Variants in CPM observed in about 807,000 individuals in gnomAD.
CPM encodes the protein carboxypeptidase M, also known as renal carboxypeptidase.
In CPM, 35 loss-of-function variants were observed where a neutral mutation model predicts 46.4. The ratio of observed to expected loss-of-function variants is 0.75; its 90% confidence interval spans 0.58 to 1.00. The LOEUF is 1.00. Ranked by LOEUF, CPM falls within the 50% of genes least tolerant of loss-of-function variation. CPM has a pLI of 0.00. For missense variants in CPM, 422 were observed against 530.4 expected, an observed-to-expected ratio of 0.80 and a Z score of 2.01; for synonymous variants, 195 against 195.3, an observed-to-expected ratio of 1.00 and a Z score of 0.01.
rs10603077 is a variant in CPM at position 68,922,618 on chromosome 12, A to AT, written c.160+10059dup. ...AGGCAATTTGTTTGAAGTTGGCAGC[A>AT]TTTTTTTTTTTTTTTTTTTGATGCA... is the stretch of plus-strand genomic sequence containing the variant. On this transcript the variant is annotated intron_variant, in intron 2 of 8. Coordinates refer to ENST00000551568, the MANE Select transcript of CPM (RefSeq NM_198320.5). 6.1e-3 allele frequency among the ~76,000 whole-genome samples: 843 copies of AT among 138,110 alleles called. 5 individuals carry two copies. The highest frequency in any genetic ancestry group is 0.019 in the Middle Eastern group (5 of 266). 90.6% of individuals were successfully genotyped at this position (138,110 alleles called of 152,430 possible).
Position 68,856,137 on chromosome 12 carries a change from T to C in CPM, c.*300A>G. ...AATGATCTTCTTTTTGCAGGCATTT[T>C]TTTGCTTCTCAAGTTTTAACTTCTT... On this transcript the variant is annotated 3_prime_UTR_variant, in exon 9 of 9. Coordinates refer to ENST00000551568, the MANE Select transcript of CPM (RefSeq NM_198320.5). 6.1e-6 allele frequency: 2 copies of C among 325,582 alleles called. No homozygotes were observed. The highest frequency in any genetic ancestry group is 1.1e-5 in the Non-Finnish European group (2 of 177,170). The allele number at this position is 325,582 out of a possible 1,614,324, so 20.2% of individuals were successfully genotyped here.
At chr12:68,876,820 GA>G (rs1885969966) in intron 3 of CPM, among the ~76,000 whole-genome samples, 1 of 152,024 alleles carries the variant, frequency 6.6e-6, no homozygotes, top group Admixed American at 6.6e-5. Context: ...AAAAAAAACA[GA>G]AAAAAATTTT....
At chr12:68,942,942 T>A (rs1351399476) in intron 1 of CPM, among the ~76,000 whole-genome samples, 1 of 152,166 alleles carries the variant, frequency 6.6e-6, no homozygotes, top group Non-Finnish European at 1.5e-5. Flanking sequence ...ATCTAAACGT[T>A]TGAAATTAAT....
At chr12:68,961,184 C>T (rs1406728779) in intron 1 of CPM, among the ~76,000 whole-genome samples, 1 of 152,108 alleles carries the variant, frequency 6.6e-6, no homozygotes, top group African/African-American at 2.4e-5. Flanking sequence ...GAGTCTTGCT[C>T]TGTCACCCAG....
chr12:68,923,601 A>C (rs562292002), intron 2 of CPM, among the ~76,000 whole-genome samples: 1 of 152,360 alleles, frequency 6.6e-6, no homozygotes, highest in Non-Finnish European at 1.5e-5. Flanking sequence ...TTACATACAT[A>C]ATTTCAAAAG....
intron 3 of CPM, among the ~76,000 whole-genome samples, chr12:68,873,908 C>T (rs144860947): frequency 6.6e-5 from 10 of 152,030 alleles, no homozygotes; most frequent in Admixed American, 3.9e-4. Flanking sequence ...TGGATTCAAG[C>T]AATTCTCCTG....
chr12:68,846,572 G>A (rs59990811), downstream of CPM: 1 of 152,032 alleles, frequency 6.6e-6, no homozygotes, highest in Non-Finnish European at 1.5e-5. Flanking sequence ...ATTTCACTAC[G>A]TTTGGTCCTA....
chr12:68,842,908 T>C (rs1883913690), intron 5 of CPM: 1 of 208,420 alleles, frequency 4.8e-6, no homozygotes, highest in African/African-American at 2.3e-5. Flanking sequence ...TTAATTGTTC[T>C]GACAGATAGT....
rs549263856 is a variant in CPM, at chr12:68,940,823, A to T, written c.-3-7983T>A. Among the ~76,000 whole-genome samples the T allele has an allele frequency of 3.6e-4, 54 of 152,074 alleles. No individual in the cohort carries two copies. The South Asian group carries it at 0.01, about 29-fold the overall frequency. On this transcript the variant is annotated intron_variant, in intron 1 of 8. Transcript: ENST00000546373. Reference sequence around the variant, plus strand: ...TATTCTGAGACCATGTCCTTCCTATATTTTTTAAATTATTGTGCTATAAAA... The same window carrying T: ...TATTCTGAGACCATGTCCTTCCTATTTTTTTTAAATTATTGTGCTATAAAA...
At chr12:68,842,278 A>G (rs1294036414) in exon 6 of CPM, 2 of 496,876 alleles carry the variant, frequency 4.0e-6, no homozygotes, top group East Asian at 9.3e-5. Flanking sequence ...CAGGACATCA[A>G]AGAAGTCAGG....
At chr12:68,869,961 A>G (rs909963447) in intron 5 of CPM, among the ~76,000 whole-genome samples, 22 of 152,154 alleles carry the variant, frequency 1.4e-4, no homozygotes, top group African/African-American at 5.3e-4. Context: ...CTGACTATTT[A>G]GATTGTATTT....
At chr12:68,867,074 G>A (rs371438102) in intron 6 of CPM, 26 bp from the exon 7 acceptor site, 3 of 1,613,198 alleles carry the variant, frequency 1.9e-6, no homozygotes, top group Admixed American at 1.7e-5. Flanking sequence ...TTTAATTTTT[G>A]TTAGGGTCTA....
At chr12:68,894,181 T>C (rs1886772256) in intron 2 of CPM, among the ~76,000 whole-genome samples, 1 of 152,230 alleles carries the variant, frequency 6.6e-6, no homozygotes, top group South Asian at 2.1e-4. Flanking sequence ...CTCTTTGAGA[T>C]TGTATATTTG....
chr12:68,939,204 A>G (rs963637914), intron 1 of CPM, among the ~76,000 whole-genome samples: 1 of 146,344 alleles, frequency 6.8e-6, no homozygotes, highest in African/African-American at 2.5e-5. Flanking sequence ...TGTACATCCC[A>G]TAATGTATAT....
At chr12:68,928,252 G>C (rs192985363) in intron 2 of CPM, among the ~76,000 whole-genome samples, 30 of 152,282 alleles carry the variant, frequency 2.0e-4, no homozygotes, top group South Asian at 8.3e-4. Flanking sequence ...ACAAACCTGA[G>C]AAAAACAAGC....
chr12:68,856,779 C>T, intron 8 of CPM, 100 bp from the exon 9 acceptor site: 2 of 1,448,502 alleles, frequency 1.4e-6, no homozygotes, highest in Non-Finnish European at 1.9e-6. Flanking sequence ...AGCCTTTGTG[C>T]AATGCATGTA....
chr12:68,917,031 C>T (rs1323573261), intron 2 of CPM, among the ~76,000 whole-genome samples: 1 of 152,058 alleles, frequency 6.6e-6, no homozygotes, highest in African/African-American at 2.4e-5. Flanking sequence ...ATTATATCTC[C>T]CCGTGGATGA....
intron 7 of CPM, among the ~76,000 whole-genome samples, chr12:68,860,441 T>C (rs1885159114): frequency 6.6e-6 from 1 of 152,106 alleles, no homozygotes; most frequent in African/African-American, 2.4e-5. Context: ...TCAGTGGCAT[T>C]ATTTTGTTTT....
chr12:68,856,240 G>A lies in CPM; in HGVS notation c.*197C>T, dbSNP rs999058203. The stretch of plus-strand genomic sequence containing the variant: ...GTTAGGTAAGTGTCTTCCATTCACC[G>A]TCAAGACTGAATCATTCTTTTCATT... On this transcript the variant is annotated 3_prime_UTR_variant, in exon 9 of 9. Transcript: ENST00000551568. 10 of 615,942 alleles carry A rather than the reference G, an allele frequency of 1.6e-5. No homozygotes were observed. The highest frequency in any genetic ancestry group is 1.4e-4 in the East Asian group (5 of 35,594). The allele number at this position is 615,942 out of a possible 1,614,324, so 38.2% of individuals were successfully genotyped here.
Sources: gnomAD v4.1 joint callset for allele counts (sites outside exome capture counted in the v4.1 genomes callset) on GRCh38, gnomAD v4.1.1 for gene constraint, MANE v1.5 for transcripts, NCBI Gene and HGNC (gene_info 2026-07-23, HGNC 2026-07-21) for gene names.